The following ADAMTS18 variants were observed in gnomAD, a reference collection of about 807,000 sequenced individuals.
ADAMTS18 encodes ADAM metallopeptidase with thrombospondin type 1 motif 18.
In ADAMTS18, 157 loss-of-function variants were observed where a neutral mutation model predicts 165.9. The ratio of observed to expected loss-of-function variants is 0.95; its 90% CI spans 0.83 to 1.08. The LOEUF is 1.08. ADAMTS18 is among the 50% of genes least tolerant of loss of function. ADAMTS18 has a pLI of 0.00. For missense variants in ADAMTS18, 2,040 were observed against 1,534.0 expected, an observed-to-expected ratio of 1.33 and a Z score of -5.51; for synonymous variants, 782 against 578.2, an observed-to-expected ratio of 1.35 and a Z score of -5.06.
At chr16:77,383,352 G>C (rs1597205422) in intron 3 of ADAMTS18, among the ~76,000 whole-genome samples, 1 of 152,080 alleles carries the variant, frequency 6.6e-6, no homozygotes, top group African/African-American at 2.4e-5. Context: ...GCATCTAGTA[G>C]CTTCTCTAGC....
chr16:77,296,796 G>A (rs115900419), intron 18 of ADAMTS18, among the ~76,000 whole-genome samples: 1,624 of 152,116 alleles, frequency 0.011, 33 homozygotes, highest in African/African-American at 0.037. Flanking sequence ...CTCCAGCCTG[G>A]GCAACAGAGT....
intron 13 of ADAMTS18, 86 bp downstream of exon 13, chr16:77,325,780 G>T: frequency 7.3e-7 from 1 of 1,376,918 alleles, no homozygotes; most frequent in Non-Finnish European, 1.0e-6. Context: ...CAAACTCTTT[G>T]ATACAAGCAG....
intron 17 of ADAMTS18, chr16:77,299,999 T>C (rs1047629244): frequency 9.3e-6 from 3 of 323,722 alleles, no homozygotes; most frequent in South Asian, 4.4e-5. Flanking sequence ...TAATTCAATA[T>C]ATTTTATATG....
chr16:77,358,665 A>G (rs1336475707), intron 8 of ADAMTS18, among the ~76,000 whole-genome samples: 1 of 152,234 alleles, frequency 6.6e-6, no homozygotes, highest in Non-Finnish European at 1.5e-5. Context: ...CTTTGAAAAT[A>G]TATGAGTTAT....
intron 3 of ADAMTS18, among the ~76,000 whole-genome samples, chr16:77,378,137 A>C (rs1034668239): frequency 6.6e-6 from 1 of 151,852 alleles, no homozygotes; most frequent in African/African-American, 2.4e-5. Context: ...TCAGCCTGGG[A>C]AACACCACAA....
intron 3 of ADAMTS18, among the ~76,000 whole-genome samples, chr16:77,388,783 G>C (rs1427105988): frequency 1.3e-5 from 2 of 152,190 alleles, no homozygotes; most frequent in East Asian, 1.9e-4. Flanking sequence ...GCAGAAAGGA[G>C]AAACCTTGTA....
intron 3 of ADAMTS18, among the ~76,000 whole-genome samples, chr16:77,376,252 T>G (rs1193904748): frequency 2.0e-5 from 3 of 152,046 alleles, no homozygotes; most frequent in Non-Finnish European, 4.4e-5. Flanking sequence ...AGTGAAGGGG[T>G]ATGTGCTACA....
At position 77,300,534 on chromosome 16, in the gene ADAMTS18, C is replaced by A. The variant is rs2055562750; in HGVS notation, c.2533-130G>T. ...TTAACATTGGTATACTTCATTGTTC[C>A]CAAGTATGTTTTATGTTGACTTAAA... On this transcript the variant is annotated intron_variant, in intron 16 of 22. Coordinates refer to ENST00000282849, the MANE Select transcript of ADAMTS18 (RefSeq NM_199355.4). 1.3e-5 allele frequency: 14 copies of A among 1,054,412 alleles called. No homozygotes were observed. The South Asian group carries it at 1.5e-4, about 11-fold the overall frequency. 65.3% of individuals were successfully genotyped at this position (1,054,412 alleles called of 1,614,324 possible). A position where few individuals can be genotyped will look rare whatever the true frequency, so the allele number is the denominator to read the frequency against.
chr16:77,331,683 G>A (rs2056191914), intron 12 of ADAMTS18, among the ~76,000 whole-genome samples: 1 of 152,126 alleles, frequency 6.6e-6, no homozygotes, highest in African/African-American at 2.4e-5. Context: ...GGGAAGAAGA[G>A]TGCATCCTAC....
chr16:77,284,559 G>A (rs2055211811), intron 22 of ADAMTS18, among the ~76,000 whole-genome samples: 1 of 151,946 alleles, frequency 6.6e-6, no homozygotes, highest in Non-Finnish European at 1.5e-5. Flanking sequence ...TAAACATTGG[G>A]ACTTTGGTAG....
At chr16:77,434,557 C>A in intron 1 of ADAMTS18, 49 bp downstream of exon 1, 1 of 1,531,728 alleles carries the variant, frequency 6.5e-7, no homozygotes, top group South Asian at 1.2e-5. Flanking sequence ...GGGCTGGCGT[C>A]GGGCGCCCCC....
At chr16:77,396,263 A>C (rs891281530) in intron 3 of ADAMTS18, among the ~76,000 whole-genome samples, 1 of 152,222 alleles carries the variant, frequency 6.6e-6, no homozygotes, top group Non-Finnish European at 1.5e-5. Flanking sequence ...ACTTGACTGC[A>C]AGGGAAGTCA....
intron 3 of ADAMTS18, among the ~76,000 whole-genome samples, chr16:77,390,559 G>A (rs10871335): frequency 0.12 from 18,023 of 152,012 alleles, 1,333 homozygotes; most frequent in East Asian, 0.24. Flanking sequence ...GCATGGTGGC[G>A]TGTGCCTGTA....
chr16:77,391,441 G>A (rs1261096524), intron 3 of ADAMTS18, among the ~76,000 whole-genome samples: 1 of 150,424 alleles, frequency 6.6e-6, no homozygotes, highest in Non-Finnish European at 1.5e-5. Context: ...CAGTTAAGTC[G>A]AGATCACACC....
intron 3 of ADAMTS18, 22 bp from the exon 4 acceptor site, chr16:77,367,745 A>T: frequency 6.2e-7 from 1 of 1,614,214 alleles, no homozygotes; most frequent in Non-Finnish European, 8.5e-7. Flanking sequence ...AACACAAAGC[A>T]AACAGTCATG....
chr16:77,390,083 G>C (rs1394978284), intron 3 of ADAMTS18, among the ~76,000 whole-genome samples: 2 of 152,018 alleles, frequency 1.3e-5, no homozygotes, highest in Non-Finnish European at 2.9e-5. Flanking sequence ...ACTCCTCAGG[G>C]ATTTTAAAGA....
At chr16:77,396,757 G>A (rs945487292) in intron 3 of ADAMTS18, among the ~76,000 whole-genome samples, 2 of 151,188 alleles carry the variant, frequency 1.3e-5, no homozygotes, top group African/African-American at 2.4e-5. Flanking sequence ...CACATTAAAC[G>A]CTATTCCAGC....
At chr16:77,301,054 G>C (rs1263765162) in intron 16 of ADAMTS18, among the ~76,000 whole-genome samples, 1 of 152,090 alleles carries the variant, frequency 6.6e-6, no homozygotes, top group African/African-American at 2.4e-5. Flanking sequence ...AAGAAGAAAA[G>C]AAACATGTTC....
chr16:77,426,647 T>A (rs980007334), intron 3 of ADAMTS18, among the ~76,000 whole-genome samples: 19 of 152,236 alleles, frequency 1.2e-4, no homozygotes, highest in African/African-American at 4.3e-4. Flanking sequence ...GACCTGGATC[T>A]AACATGCATC....
Sources: gnomAD v4.1 joint callset for allele counts (sites outside exome capture counted in the v4.1 genomes callset) on GRCh38, gnomAD v4.1.1 for gene constraint, MANE v1.5 for transcripts, NCBI Gene and HGNC (gene_info 2026-07-23, HGNC 2026-07-21) for gene names.